Variants in THEMIS observed in about 807,000 individuals in gnomAD.
The protein encoded by THEMIS is thymocyte selection associated.
In THEMIS, 37 loss-of-function variants were observed where a neutral mutation model predicts 52.6. That is an observed-to-expected ratio of 0.70 (90% CI 0.54 to 0.93). The LOEUF is 0.93. Ranked by LOEUF, THEMIS falls within the 40% of genes least tolerant of loss-of-function variation. The pLI is 0.00. For synonymous variants in THEMIS, 292 were observed against 272.7 expected (o/e 1.07, Z -0.70); for missense variants, 808 against 763.1 (o/e 1.06, Z -0.69).
intron 4 of THEMIS, among the ~76,000 whole-genome samples, chr6:127,758,553 C>T (rs1440957576): frequency 6.6e-6 from 1 of 150,712 alleles, no homozygotes; most frequent in Non-Finnish European, 1.5e-5. Context: ...AAAAGAAAGG[C>T]AGAAATGTCA....
chr6:127,782,308 G>C (rs764142944), intron 4 of THEMIS, among the ~76,000 whole-genome samples: 1 of 152,070 alleles, frequency 6.6e-6, no homozygotes, highest in Non-Finnish European at 1.5e-5. Flanking sequence ...GGAGTGAACA[G>C]TTCTGTCTCA....
At chr6:127,705,959 T>TCTC (rs1773792411), downstream of THEMIS, among the ~76,000 whole-genome samples, 2 of 152,122 alleles carry the variant, frequency 1.3e-5, no homozygotes, top group African/African-American at 2.4e-5. Flanking sequence ...TCTAGATCCT[T>TCTC]CTCCTATCCT....
chr6:127,770,157 C>A (rs959490880), intron 4 of THEMIS, among the ~76,000 whole-genome samples: 4 of 152,166 alleles, frequency 2.6e-5, no homozygotes, highest in African/African-American at 9.7e-5. Flanking sequence ...ATCACTGGGC[C>A]AAATGGTATT....
At chr6:127,831,255 A>G (rs963189117) in intron 2 of THEMIS, among the ~76,000 whole-genome samples, 1 of 152,168 alleles carries the variant, frequency 6.6e-6, no homozygotes, top group Non-Finnish European at 1.5e-5. Context: ...TGTACATTGT[A>G]TGTCTAAGTG....
intron 4 of THEMIS, among the ~76,000 whole-genome samples, chr6:127,755,208 T>C (rs557072842): frequency 1.3e-5 from 2 of 152,222 alleles, no homozygotes; most frequent in African/African-American, 2.4e-5. Flanking sequence ...TAGATTAGAT[T>C]TGAAGACAAA....
At chr6:127,703,765 G>A (rs1321228779), downstream of THEMIS, among the ~76,000 whole-genome samples, 1 of 152,198 alleles carries the variant, frequency 6.6e-6, no homozygotes, top group Non-Finnish European at 1.5e-5. Flanking sequence ...GTGAGCTAAG[G>A]AAGCTAGGAT....
chr6:127,893,850 C>G (rs1257224229), intron 1 of THEMIS, among the ~76,000 whole-genome samples: 2 of 151,902 alleles, frequency 1.3e-5, no homozygotes, highest in East Asian at 3.9e-4. Context: ...GAATATGTTT[C>G]CTTCCACATA....
At chr6:127,744,060 T>C (rs1001190452) in intron 4 of THEMIS, among the ~76,000 whole-genome samples, 1 of 152,142 alleles carries the variant, frequency 6.6e-6, no homozygotes, top group Non-Finnish European at 1.5e-5. Flanking sequence ...AGGATCAGTG[T>C]TGACCCTAGA....
intron 3 of THEMIS, among the ~76,000 whole-genome samples, chr6:127,824,974 C>A (rs1238767902): frequency 6.6e-6 from 1 of 151,944 alleles, no homozygotes; most frequent in Non-Finnish European, 1.5e-5. Flanking sequence ...GAAATATTCT[C>A]AGAGAAATAA....
intron 4 of THEMIS, among the ~76,000 whole-genome samples, chr6:127,783,320 T>C (rs986999677): frequency 3.3e-5 from 5 of 152,216 alleles, no homozygotes; most frequent in Non-Finnish European, 7.3e-5. Flanking sequence ...ATTCAGGACA[T>C]AGGCATGGGC....
At chr6:127,745,807 CTA>C (rs1562230195) in intron 4 of THEMIS, among the ~76,000 whole-genome samples, 1 of 151,850 alleles carries the variant, frequency 6.6e-6, no homozygotes, top group African/African-American at 2.4e-5. Context: ...TCTGGTTACT[CTA>C]CAGAATATGT....
At position 127,900,971 on chromosome 6, in the gene THEMIS, G is replaced by A; in HGVS notation, c.-39C>T. On this transcript the variant is annotated 5_prime_UTR_variant, in exon 1 of 6. Coordinates refer to ENST00000368248, the MANE Select transcript of THEMIS (RefSeq NM_001010923.3). ...GTAGTTTGTAGACCTGGTGCTCACA[G>A]AAACTTGTGGCTTCTGGGTGACACT... 1 of 1,537,126 alleles carries A rather than the reference G, an allele frequency of 6.5e-7. No individual in the cohort carries two copies. Among genetic ancestry groups the A allele is most frequent in the Non-Finnish European group, 9.0e-7 (1 of 1,110,728 alleles).
At chr6:127,735,122 CTT>C (rs1237295695) in intron 4 of THEMIS, among the ~76,000 whole-genome samples, 1 of 151,458 alleles carries the variant, frequency 6.6e-6, no homozygotes, top group Admixed American at 6.6e-5. Context: ...ATTTTAGAGA[CTT>C]GATTCTGTAC....
intron 1 of THEMIS, among the ~76,000 whole-genome samples, chr6:127,916,136 A>G (rs908469237): frequency 6.6e-6 from 1 of 151,986 alleles, no homozygotes; most frequent in African/African-American, 2.4e-5. Context: ...ATGATTTTAT[A>G]TTACGAGACC....
chr6:127,805,164 T>C (rs947793934), intron 4 of THEMIS, among the ~76,000 whole-genome samples: 3 of 152,080 alleles, frequency 2.0e-5, no homozygotes, highest in Non-Finnish European at 2.9e-5. Context: ...TCTCATGAGA[T>C]CTAAAATCGT....
intron 1 of THEMIS, among the ~76,000 whole-genome samples, chr6:127,913,212 GA>G (rs954704019): frequency 6.0e-5 from 9 of 150,712 alleles, no homozygotes; most frequent in Non-Finnish European, 3.0e-5. Flanking sequence ...ATACTGGATG[GA>G]AAAAAAAAGT....
downstream of THEMIS, chr6:127,708,034 A>C (rs963819712): frequency 4.6e-5 from 7 of 152,070 alleles, no homozygotes; most frequent in African/African-American, 1.7e-4. Context: ...TCCATAGGGG[A>C]TGGAGAGGGC....
chr6:127,815,693 C>A (rs894196585), intron 3 of THEMIS, among the ~76,000 whole-genome samples: 2 of 152,132 alleles, frequency 1.3e-5, no homozygotes, highest in Non-Finnish European at 2.9e-5. Flanking sequence ...CTTCCCTGAA[C>A]CTCAAGGTAA....
chr6:127,890,264 A>G (rs933395240), intron 1 of THEMIS, among the ~76,000 whole-genome samples: 11 of 152,172 alleles, frequency 7.2e-5, no homozygotes, highest in Non-Finnish European at 1.0e-4. Context: ...TTTCCAAAAC[A>G]GTATTCAGTA....
Sources: gnomAD v4.1 joint callset for allele counts (sites outside exome capture counted in the v4.1 genomes callset) on GRCh38, gnomAD v4.1.1 for gene constraint, MANE v1.5 for transcripts, NCBI Gene and HGNC (gene_info 2026-07-23, HGNC 2026-07-21) for gene names.